Variants in MACROD2 observed in about 807,000 individuals in gnomAD.
The protein encoded by MACROD2 is mono-ADP ribosylhydrolase 2, also known as ADP-ribose glycohydrolase MACROD2.
MACROD2 carries 36 observed loss-of-function variants against 70.4 expected under a neutral mutation model. The ratio of observed to expected loss-of-function variants is 0.51; its 90% CI spans 0.39 to 0.68. The LOEUF is 0.68. MACROD2 is among the 30% of genes least tolerant of loss of function. MACROD2 has a pLI of 0.00. For missense variants in MACROD2, 496 were observed against 538.4 expected (o/e 0.92, Z 0.78); for synonymous variants, 172 against 178.8 (o/e 0.96, Z 0.30).
intron 9 of MACROD2, among the ~76,000 whole-genome samples, chr20:15,867,052 T>G (rs2064503482): frequency 6.6e-6 from 1 of 152,150 alleles, no homozygotes; most frequent in Non-Finnish European, 1.5e-5. Context: ...CAAGATTAAT[T>G]TCTTCAGAGG....
At chr20:15,414,248 C>T (rs185536341) in intron 6 of MACROD2, among the ~76,000 whole-genome samples, 23 of 152,266 alleles carry the variant, frequency 1.5e-4, no homozygotes, top group African/African-American at 5.1e-4. Flanking sequence ...TAGTCTAAAA[C>T]TCTTGCTACT....
intron 5 of MACROD2, among the ~76,000 whole-genome samples, chr20:15,068,098 A>G (rs1461133683): frequency 1.3e-5 from 2 of 152,142 alleles, no homozygotes; most frequent in Non-Finnish European, 1.5e-5. Flanking sequence ...CTCTTTTGAG[A>G]TACACTGGAT....
chr20:15,190,401 G>C (rs975155658), intron 5 of MACROD2, among the ~76,000 whole-genome samples: 2 of 152,236 alleles, frequency 1.3e-5, no homozygotes, highest in African/African-American at 4.8e-5. Flanking sequence ...CCCCTCAGTA[G>C]AGGCCATTCA....
chr20:15,132,560 A>C (rs1911449966), intron 5 of MACROD2, among the ~76,000 whole-genome samples: 1 of 151,986 alleles, frequency 6.6e-6, no homozygotes, highest in South Asian at 2.1e-4. Flanking sequence ...AAATAATATG[A>C]ACTACCTCAC....
At chr20:14,465,360 C>A (rs1375285645) in intron 3 of MACROD2, among the ~76,000 whole-genome samples, 1 of 152,010 alleles carries the variant, frequency 6.6e-6, no homozygotes, top group African/African-American at 2.4e-5. Context: ...ATTGCAACCC[C>A]TGCCTTTTTT....
chr20:15,763,555 A>G (rs960789328), intron 8 of MACROD2, among the ~76,000 whole-genome samples: 5 of 152,214 alleles, frequency 3.3e-5, no homozygotes, highest in African/African-American at 1.2e-4. Context: ...ATATTTACCT[A>G]TCTGGCACTA....
chr20:15,111,784 C>A (rs381160), intron 5 of MACROD2, among the ~76,000 whole-genome samples: 18,055 of 152,238 alleles, frequency 0.12, 1,241 homozygotes, highest in Admixed American at 0.17. Flanking sequence ...AGGCAAGGAG[C>A]AAGCCAACCC....
chr20:15,960,159 C>G lies in MACROD2; in HGVS notation c.908-7394C>G, dbSNP rs184382174. On this transcript the variant is annotated intron_variant, in intron 12 of 17. Transcript: ENST00000684519. Reference sequence around the variant, plus strand: ...ACAGTTAAGTGAATATTAATTCTCTCCTGGTATGTGGAGCTCTCATGTCAG... The same window carrying G: ...ACAGTTAAGTGAATATTAATTCTCTGCTGGTATGTGGAGCTCTCATGTCAG... Among the ~76,000 whole-genome samples, 34 of 152,292 alleles carry G rather than the reference C, an allele frequency of 2.2e-4. No homozygotes were observed. The East Asian group carries it at 4.8e-3, about 22-fold the overall frequency.
At chr20:15,045,325 T>C (rs974471880) in intron 5 of MACROD2, among the ~76,000 whole-genome samples, 3 of 152,120 alleles carry the variant, frequency 2.0e-5, no homozygotes, top group African/African-American at 7.2e-5. Context: ...TCCAGTAAAA[T>C]GGGACACCTT....
chr20:15,241,383 T>C lies in MACROD2; in HGVS notation c.540+11322T>C, dbSNP rs560315695. On this transcript the variant is annotated intron_variant, in intron 6 of 17. Coordinates refer to ENST00000684519, the MANE Select transcript of MACROD2 (RefSeq NM_001351661.2). ...CACATCATTTCTAGATGCTGTGACA[T>C]TCATTATTATTACATTCTTGGGCAA... Among the ~76,000 whole-genome samples the C allele has an allele frequency of 2.0e-5, 3 of 152,336 alleles. No homozygotes were observed. In the South Asian group the frequency reaches 6.2e-4, roughly 32 times the overall value.
intron 6 of MACROD2, among the ~76,000 whole-genome samples, chr20:15,423,572 G>A (rs1168060754): frequency 6.6e-6 from 1 of 151,764 alleles, no homozygotes; most frequent in Non-Finnish European, 1.5e-5. Context: ...TCTGTCAAGA[G>A]CTCTTTTCTT....
chr20:15,596,305 G>T (rs1386225598), intron 8 of MACROD2, among the ~76,000 whole-genome samples: 3 of 152,166 alleles, frequency 2.0e-5, no homozygotes, highest in Non-Finnish European at 4.4e-5. Context: ...TGCTGGGAAT[G>T]CCTTCTTATG....
Position 14,628,035 on chromosome 20 carries a change from A to G in MACROD2, c.302-56808A>G, listed in dbSNP as rs1984286765. On this transcript the variant is annotated intron_variant, in intron 4 of 17. Coordinates refer to ENST00000684519, the MANE Select transcript of MACROD2 (RefSeq NM_001351661.2). ...AGAGAAAAATTTGTAAGGTTTCCCAAAAGCACTATCTGATCTGAACCTTTA... is the reference window on the plus strand; with the variant it reads ...AGAGAAAAATTTGTAAGGTTTCCCAGAAGCACTATCTGATCTGAACCTTTA... Among the ~76,000 whole-genome samples, 5 of 152,248 alleles carry G rather than the reference A, an allele frequency of 3.3e-5. No homozygotes were observed. In the South Asian group the frequency reaches 1.0e-3, roughly 32 times the overall value.
At chr20:15,635,026 C>T (rs1263088306) in intron 8 of MACROD2, among the ~76,000 whole-genome samples, 1 of 152,212 alleles carries the variant, frequency 6.6e-6, no homozygotes, top group African/African-American at 2.4e-5. Flanking sequence ...TTCCTGACCT[C>T]TGCTTGCAGC....
At chr20:14,607,893 AAGG>A (rs1008567671) in intron 4 of MACROD2, among the ~76,000 whole-genome samples, 34 of 152,260 alleles carry the variant, frequency 2.2e-4, no homozygotes, top group African/African-American at 7.5e-4. Context: ...AAACAAAATA[AAGG>A]AGGAGATTCA....
intron 8 of MACROD2, among the ~76,000 whole-genome samples, chr20:15,660,758 G>A (rs145369138): frequency 1.3e-5 from 2 of 152,312 alleles, no homozygotes; most frequent in Non-Finnish European, 1.5e-5. Context: ...GTGTGCATGT[G>A]TGGGATTTCT....
At chr20:15,219,785 T>C (rs566518806) in intron 5 of MACROD2, among the ~76,000 whole-genome samples, 20 of 152,298 alleles carry the variant, frequency 1.3e-4, no homozygotes, top group African/African-American at 4.6e-4. Context: ...GAAATGTGAA[T>C]AGTGAGCCCA....
At chr20:15,579,706 G>A (rs1195122226) in intron 8 of MACROD2, among the ~76,000 whole-genome samples, 1 of 152,212 alleles carries the variant, frequency 6.6e-6, no homozygotes, top group East Asian at 1.9e-4. Context: ...AATGCATACA[G>A]TGTAGTCAGA....
intron 6 of MACROD2, among the ~76,000 whole-genome samples, chr20:15,296,700 C>A (rs1375172170): frequency 6.6e-6 from 1 of 150,438 alleles, no homozygotes; most frequent in Non-Finnish European, 1.5e-5. Context: ...CTGTATCTAC[C>A]CAGTCTGGAA....
Sources: allele counts gnomAD v4.1 joint callset (sites outside exome capture counted in the v4.1 genomes callset), GRCh38; gene constraint gnomAD v4.1.1; transcripts MANE v1.5; gene names NCBI Gene and HGNC (gene_info 2026-07-23, HGNC 2026-07-21).